HHIPL1: variants seen among roughly 807,000 people sequenced by gnomAD.
The protein encoded by HHIPL1 is HHIP-like protein 1.
Under a neutral mutation model 61.8 loss-of-function variants are expected in HHIPL1, and 43 were observed. The observed-to-expected ratio is 0.70, with a 90% confidence interval of 0.55 to 0.90. The LOEUF (loss-of-function observed/expected upper bound fraction) is 0.90. Ranked by LOEUF, HHIPL1 falls within the 40% of genes least tolerant of loss-of-function variation. The pLI, the probability that HHIPL1 is intolerant of heterozygous loss-of-function variation, is 0.00. For missense variants in HHIPL1, 1,056 were observed against 1,157.7 expected (o/e 0.91, Z 1.28); for synonymous variants, 482 against 515.8 (o/e 0.93, Z 0.89).
chr14:99,641,589 A>AT (rs1393836290), upstream of HHIPL1, among the ~76,000 whole-genome samples: 2 of 149,922 alleles, frequency 1.3e-5, no homozygotes, highest in Admixed American at 6.6e-5. Flanking sequence ...AATTTTTTGT[A>AT]TTTTTGTAGA....
the HHIPL1 span, among the ~76,000 whole-genome samples, chr14:99,631,555 A>G: frequency 6.6e-6 from 1 of 152,062 alleles, no homozygotes; most frequent in African/African-American, 2.4e-5. Context: ...CTGGGTACAC[A>G]CACGTGGGGT....
rs1049503820 is a variant in HHIPL1 at position 99,660,216 on chromosome 14, TCTC to T, written c.1376-61_1376-59del. 5.0e-6 allele frequency: 8 copies of T among 1,603,184 alleles called. No individual in the cohort carries two copies. Among genetic ancestry groups the T allele is most frequent in the African/African-American group, 4.0e-5 (3 of 74,324 alleles). ...CACCCCCGCGGAATCCCTCCGGAAT[TCTC>T]CTGGCTGATGAACCTTCCCGCCGCT... On this transcript the variant is annotated intron_variant, in intron 4 of 8. Transcript: ENST00000330710. The surrounding 1 kb of genome is among the most constrained non-coding windows in gnomAD (Gnocchi z 4.9).
In HHIPL1 at chr14:99,663,017, G is replaced by C; in HGVS notation, c.1644G>C (p.Glu548Asp). 3 of 1,604,138 alleles carry C rather than the reference G, an allele frequency of 1.9e-6. No individual in the cohort carries two copies. Among genetic ancestry groups the C allele is most frequent in the Non-Finnish European group, 2.6e-6 (3 of 1,175,468 alleles). Residue 548 changes from glutamate to aspartate, a missense_variant, in exon 6 of 9, where the codon GAG (glutamate) becomes GAC (aspartate). Glu to Asp is a conservative substitution (Grantham distance 45). Transcript: ENST00000330710. ...YPYIISFGED[E>D]AGELYFMSTG... ...ACATCATCTCCTTCGGGGAGGACGAGGCCGGTGAGCACTCCTGAGACCTCT... is the reference window on the plus strand; with the variant it reads ...ACATCATCTCCTTCGGGGAGGACGACGCCGGTGAGCACTCCTGAGACCTCT...
chr14:99,643,303 G>T (rs1179776673), upstream of HHIPL1, among the ~76,000 whole-genome samples: 1 of 152,222 alleles, frequency 6.6e-6, no homozygotes, highest in Admixed American at 6.5e-5. Context: ...GCCTCCCAAA[G>T]TTCTGGGATT....
At chr14:99,615,649 G>A in the HHIPL1 span, among the ~76,000 whole-genome samples, 61 of 149,578 alleles carry the variant, frequency 4.1e-4, no homozygotes, top group African/African-American at 1.5e-3. Flanking sequence ...GAAAGGAAGA[G>A]AGAGAGAGAA....
intron 7 of HHIPL1, among the ~76,000 whole-genome samples, chr14:99,669,512 C>T (rs945156540): frequency 5.3e-5 from 8 of 152,144 alleles, no homozygotes; most frequent in African/African-American, 1.2e-4. Context: ...GCATGTTTCA[C>T]GTTCTTGGGA....
At chr14:99,615,625 GGAA>G in the HHIPL1 span, among the ~76,000 whole-genome samples, 2 of 134,782 alleles carry the variant, frequency 1.5e-5, no homozygotes, top group Non-Finnish European at 3.1e-5. Flanking sequence ...AAGAAAGAAA[GGAA>G]GAAAGAGAAA....
chr14:99,637,059 G>GA, the HHIPL1 span, among the ~76,000 whole-genome samples: 98 of 80,514 alleles, frequency 1.2e-3, 4 homozygotes, highest in Non-Finnish European at 2.2e-3. Flanking sequence ...AGGAAGGAAG[G>GA]AAAAAAGAAA....
At chr14:99,646,813 ATATG>A (rs1566804768) in intron 1 of HHIPL1, among the ~76,000 whole-genome samples, 89 of 81,816 alleles carry the variant, frequency 1.1e-3, no homozygotes, top group African/African-American at 3.2e-3. Flanking sequence ...ATATGATATG[ATATG>A]ATATGATATG....
the HHIPL1 span, among the ~76,000 whole-genome samples, chr14:99,608,944 C>T: frequency 4.6e-5 from 7 of 152,240 alleles, no homozygotes; most frequent in African/African-American, 1.7e-4. Flanking sequence ...GTCTCCCACA[C>T]CTCAGTTTCC....
At chr14:99,641,130 A>AC (rs1427021214), upstream of HHIPL1, among the ~76,000 whole-genome samples, 4 of 150,016 alleles carry the variant, frequency 2.7e-5, no homozygotes, top group Non-Finnish European at 4.4e-5. Flanking sequence ...CAGGTGATCC[A>AC]CCCGCCTCAG....
At chr14:99,617,187 A>C in the HHIPL1 span, among the ~76,000 whole-genome samples, 1 of 152,240 alleles carries the variant, frequency 6.6e-6, no homozygotes, top group Non-Finnish European at 1.5e-5. Context: ...AAATAAATGC[A>C]TTCACTCCAT....
chr14:99,615,792 G>A, the HHIPL1 span, among the ~76,000 whole-genome samples: 2 of 152,198 alleles, frequency 1.3e-5, no homozygotes, highest in African/African-American at 4.8e-5. Flanking sequence ...TGAGGGCTTT[G>A]CAGACAGAAG....
Position 99,668,240 on chromosome 14 carries a change from C to G in HHIPL1, c.1667C>G (p.Ser556Trp). ...EDEAGELYFM[S>W]TGEPSATAPR... ...TCCAAAGGGGAGCTGTACTTCATGTCGACAGGGGAGCCGAGTGCCACAGCT... is the reference window on the plus strand; with the variant it reads ...TCCAAAGGGGAGCTGTACTTCATGTGGACAGGGGAGCCGAGTGCCACAGCT... The change falls in exon 7 of 9, where the codon TCG (serine) becomes TGG (tryptophan). Residue 556 changes from serine to tryptophan, a missense_variant. Transcript: ENST00000330710. This position sits in a 1 kb window ranked among gnomAD's most constrained non-coding sequence, Gnocchi z 4.7. The G allele has an allele frequency of 6.2e-7, 1 of 1,611,042 alleles. No homozygotes were observed. Among genetic ancestry groups the G allele is most frequent in the Non-Finnish European group, 8.5e-7 (1 of 1,177,338 alleles).
the HHIPL1 span, among the ~76,000 whole-genome samples, chr14:99,637,581 AAAAG>A: frequency 1.4e-4 from 21 of 152,008 alleles, no homozygotes; most frequent in African/African-American, 4.1e-4. Flanking sequence ...CAAAAAAAAA[AAAAG>A]AAAGAAAGAA....
At chr14:99,673,247 G>A (rs987364261) in intron 8 of HHIPL1, among the ~76,000 whole-genome samples, 1 of 151,958 alleles carries the variant, frequency 6.6e-6, no homozygotes, top group African/African-American at 2.4e-5. Flanking sequence ...TCTGAGCTCA[G>A]TGATTTTGGA....
chr14:99,628,193 G>A, the HHIPL1 span, among the ~76,000 whole-genome samples: 1 of 152,216 alleles, frequency 6.6e-6, no homozygotes, highest in African/African-American at 2.4e-5. Context: ...CATGGCAAAG[G>A]GCCCAGATGC....
the HHIPL1 span, among the ~76,000 whole-genome samples, chr14:99,639,660 TG>T: frequency 6.6e-6 from 1 of 151,940 alleles, no homozygotes; most frequent in Non-Finnish European, 1.5e-5. Flanking sequence ...CTTGTTTTTT[TG>T]TTTGTTTTTT....
intron 2 of HHIPL1, among the ~76,000 whole-genome samples, chr14:99,654,188 C>CAAAAAAAAA (rs754501639): frequency 1.0e-4 from 9 of 89,834 alleles, no homozygotes; most frequent in South Asian, 4.1e-4. Context: ...GACTCTGTCT[C>CAAAAAAAAA]AAAAAAAAAA....
Sources: gnomAD v4.1 joint callset for allele counts (sites outside exome capture counted in the v4.1 genomes callset) on GRCh38, gnomAD v4.1.1 for gene constraint, Gnocchi (gnomAD v3.1) non-coding constraint, MANE v1.5 for transcripts, NCBI Gene and HGNC (gene_info 2026-07-23, HGNC 2026-07-21) for gene names.